The following SRBD1 variants were observed in gnomAD, a reference collection of about 807,000 sequenced individuals.
SRBD1 encodes the protein S1 RNA-binding domain-containing protein 1.
Under a neutral mutation model 115.3 loss-of-function variants are expected in SRBD1, and 88 were observed. The ratio of observed to expected loss-of-function variants is 0.76; its 90% CI spans 0.64 to 0.91. The LOEUF (loss-of-function observed/expected upper bound fraction) is 0.91. Ranked by LOEUF, SRBD1 falls within the 40% of genes least tolerant of loss-of-function variation. The pLI, the probability that SRBD1 is intolerant of heterozygous loss-of-function variation, is 0.00. For missense variants in SRBD1, 1,385 were observed against 1,177.4 expected, an observed-to-expected ratio of 1.18 and a Z score of -2.58; for synonymous variants, 509 against 407.7, an observed-to-expected ratio of 1.25 and a Z score of -2.99.
At chr2:45,505,741 A>T (rs1324688677) in intron 14 of SRBD1, among the ~76,000 whole-genome samples, 3 of 152,196 alleles carry the variant, frequency 2.0e-5, no homozygotes, top group Non-Finnish European at 4.4e-5. Context: ...GGAAGTTAGG[A>T]TCATAAGTAA....
intron 16 of SRBD1, among the ~76,000 whole-genome samples, chr2:45,440,409 T>A (rs1668629081): frequency 6.6e-6 from 1 of 152,188 alleles, no homozygotes; most frequent in South Asian, 2.1e-4. Context: ...AAATCCTAAA[T>A]GTCTGCCTTG....
chr2:45,610,412 G>A (rs549043754), intron 1 of SRBD1, among the ~76,000 whole-genome samples: 1 of 152,276 alleles, frequency 6.6e-6, no homozygotes, highest in African/African-American at 2.4e-5. Context: ...CAAAATACTA[G>A]AGCTGAAAGA....
In SRBD1 at chr2:45,602,071, A is replaced by G. The variant is rs1191752442; in HGVS notation, c.93T>C (p.Ser31=). 5 of 1,613,606 alleles carry G rather than the reference A, an allele frequency of 3.1e-6. No homozygotes were observed. The highest frequency in any genetic ancestry group is 4.2e-6 in the Non-Finnish European group (5 of 1,179,802). The change falls in exon 3 of 21, where the codon TCT becomes TCC. Residue 31 remains serine, a synonymous_variant. Transcript: ENST00000263736. ...FSSFSELSSA[S]EEDDKEDSAW... Reference sequence around the variant, plus strand: ...CACTATCTTCCTTGTCATCTTCTTCAGAGGCAGATGATCTAGAAGTAAATC... The same window carrying G: ...CACTATCTTCCTTGTCATCTTCTTCGGAGGCAGATGATCTAGAAGTAAATC...
At chr2:45,414,757 C>CACACACAT (rs777050468) in intron 18 of SRBD1, among the ~76,000 whole-genome samples, 1 of 48,402 alleles carries the variant, frequency 2.1e-5, no homozygotes. Context: ...TACACACACA[C>CACACACAT]AGTGTGTATA....
intron 16 of SRBD1, among the ~76,000 whole-genome samples, chr2:45,464,779 A>G (rs768669130): frequency 6.6e-6 from 1 of 152,172 alleles, no homozygotes; most frequent in Non-Finnish European, 1.5e-5. Flanking sequence ...GAGACAGAAT[A>G]TTTTCAGGTA....
chr2:45,605,119 T>C (rs1404283009), intron 2 of SRBD1, among the ~76,000 whole-genome samples: 1 of 152,226 alleles, frequency 6.6e-6, no homozygotes, highest in Non-Finnish European at 1.5e-5. Context: ...GGAGCTTATA[T>C]TCTAGTGTAA....
At chr2:45,558,256 G>A (rs1020894051) in intron 10 of SRBD1, among the ~76,000 whole-genome samples, 1 of 152,172 alleles carries the variant, frequency 6.6e-6, no homozygotes, top group Non-Finnish European at 1.5e-5. Context: ...TTTAAATCCA[G>A]GAGTTTGAGA....
At chr2:45,581,936 A>C (rs1673378630) in intron 5 of SRBD1, 126 bp from the exon 6 acceptor site, 1 of 708,034 alleles carries the variant, frequency 1.4e-6, no homozygotes, top group Non-Finnish European at 2.5e-6. Flanking sequence ...GAACTGTTTG[A>C]GAATAAGTTA....
At position 45,395,535 on chromosome 2, in the gene SRBD1, G is replaced by A. The variant is rs563473732; in HGVS notation, c.2514-2406C>T. Among the ~76,000 whole-genome samples, 13 of 152,250 alleles carry A rather than the reference G, an allele frequency of 8.5e-5. No homozygotes were observed. The South Asian group carries it at 1.7e-3, about 19-fold the overall frequency. ...TTCATTCTCACACATATAAGCCTGA[G>A]GGCATTAGTAACTGAAATCAATAAA... On this transcript the variant is annotated intron_variant, in intron 19 of 20. Transcript: ENST00000263736.
intron 14 of SRBD1, among the ~76,000 whole-genome samples, chr2:45,527,022 T>A (rs1029934562): frequency 1.3e-5 from 2 of 151,928 alleles, no homozygotes; most frequent in Admixed American, 1.3e-4. Flanking sequence ...TTTAAGTTGT[T>A]TCCATAGTTT....
At chr2:45,499,174 T>C (rs1670551980) in intron 14 of SRBD1, among the ~76,000 whole-genome samples, 1 of 152,242 alleles carries the variant, frequency 6.6e-6, no homozygotes, top group Non-Finnish European at 1.5e-5. Context: ...TTTTTACCTT[T>C]TTGATAAGTC....
chr2:45,552,668 G>C (rs1016474406), intron 11 of SRBD1, among the ~76,000 whole-genome samples: 13 of 152,180 alleles, frequency 8.5e-5, no homozygotes. Context: ...TCAAAAGCAA[G>C]CGATGTTAGA....
chr2:45,588,690 T>C lies in SRBD1; in HGVS notation c.649-2916A>G, dbSNP rs570559642. On this transcript the variant is annotated intron_variant, in intron 4 of 20. Transcript: ENST00000263736. ...TAACAGCCTGAGTGCTGCATTGCTC[T>C]GGCCAGAGAGATTAGCCCAATCAGC... Among the ~76,000 whole-genome samples the C allele has an allele frequency of 9.2e-5, 14 of 152,322 alleles. No individual in the cohort carries two copies. The South Asian group carries it at 1.0e-3, about 11-fold the overall frequency.
At chr2:45,548,251 T>A in intron 12 of SRBD1, among the ~76,000 whole-genome samples, 1 of 151,410 alleles carries the variant, frequency 6.6e-6, no homozygotes, top group South Asian at 2.1e-4. Flanking sequence ...AAGCAAAAAT[T>A]AACAGAAAAA....
At chr2:45,578,402 C>T (rs1017180166) in intron 7 of SRBD1, among the ~76,000 whole-genome samples, 2 of 152,084 alleles carry the variant, frequency 1.3e-5, no homozygotes, top group African/African-American at 4.8e-5. Context: ...CATTTCAACC[C>T]ATCTCTAAAT....
At chr2:45,434,173 A>T (rs914274970) in intron 16 of SRBD1, among the ~76,000 whole-genome samples, 9 of 152,266 alleles carry the variant, frequency 5.9e-5, no homozygotes, top group Admixed American at 1.3e-4. Flanking sequence ...ACTTGACAGA[A>T]GGATCCTTGG....
chr2:45,551,749 A>T (rs1672308254), intron 11 of SRBD1, among the ~76,000 whole-genome samples: 1 of 152,182 alleles, frequency 6.6e-6, no homozygotes, highest in South Asian at 2.1e-4. Context: ...AGCGAGACAG[A>T]AGTAGAGGCA....
intron 16 of SRBD1, among the ~76,000 whole-genome samples, chr2:45,456,893 T>C (rs1669171937): frequency 6.6e-6 from 1 of 151,910 alleles, no homozygotes; most frequent in African/African-American, 2.4e-5. Context: ...AGCGATTAAA[T>C]TAATTTCATT....
intron 16 of SRBD1, among the ~76,000 whole-genome samples, chr2:45,421,682 A>C (rs1668012597): frequency 6.6e-6 from 1 of 152,050 alleles, no homozygotes; most frequent in African/African-American, 2.4e-5. Flanking sequence ...GGGACAGGAG[A>C]CTTCTCTTTA....
Sources: allele counts gnomAD v4.1 joint callset (sites outside exome capture counted in the v4.1 genomes callset), GRCh38; gene constraint gnomAD v4.1.1; transcripts MANE v1.5; gene names NCBI Gene and HGNC (gene_info 2026-07-23, HGNC 2026-07-21).